KLHL29: variants seen among roughly 807,000 people sequenced by gnomAD.
KLHL29 encodes kelch like family member 29, also known as kelch-like protein 29.
In KLHL29, 21 loss-of-function variants were observed where a neutral mutation model predicts 80.4. That is an observed-to-expected ratio of 0.26 (90% CI 0.19 to 0.38). The LOEUF (loss-of-function observed/expected upper bound fraction) is 0.38, where lower values mean the gene tolerates loss of function less well. KLHL29 is among the 10% of genes least tolerant of loss of function. KLHL29 has a pLI of 1.00. For missense variants in KLHL29, 867 were observed against 1,223.9 expected (o/e 0.71, Z 4.35); for synonymous variants, 511 against 526.8 (o/e 0.97, Z 0.41).
intron 1 of KLHL29, among the ~76,000 whole-genome samples, chr2:23,438,533 T>C (rs977298869): frequency 6.7e-6 from 1 of 149,222 alleles, no homozygotes. Flanking sequence ...GTTGTTGAAT[T>C]TTGTCAAAGG....
At chr2:23,443,904 T>C (rs1663602660) in intron 1 of KLHL29, among the ~76,000 whole-genome samples, 2 of 152,236 alleles carry the variant, frequency 1.3e-5, no homozygotes, top group Admixed American at 6.5e-5. Context: ...CAAGAACTTG[T>C]CACCTAATGG....
intron 1 of KLHL29, among the ~76,000 whole-genome samples, chr2:23,465,459 G>A (rs978164379): frequency 1.3e-5 from 2 of 152,206 alleles, no homozygotes; most frequent in African/African-American, 4.8e-5. Context: ...TCAGCAAGAG[G>A]CAGGAGGCAA....
chr2:23,659,614 C>T (rs899974839), intron 5 of KLHL29, among the ~76,000 whole-genome samples: 7 of 152,170 alleles, frequency 4.6e-5, no homozygotes, highest in Admixed American at 2.6e-4. Flanking sequence ...GCTTCCCCCA[C>T]CATTGAACCT....
chr2:23,608,437 G>C (rs1668781030), intron 3 of KLHL29, among the ~76,000 whole-genome samples: 1 of 74,678 alleles, frequency 1.3e-5, no homozygotes, highest in Non-Finnish European at 2.4e-5. Flanking sequence ...TTGGAGGTAG[G>C]GCCCAGTCTT....
intron 1 of KLHL29, among the ~76,000 whole-genome samples, chr2:23,461,925 A>G (rs555438466): frequency 6.7e-6 from 1 of 150,360 alleles, no homozygotes; most frequent in South Asian, 2.1e-4. Context: ...GGAGAGGGAA[A>G]CTGAGGTTCC....
At chr2:23,539,187 G>A (rs1368445667) in intron 2 of KLHL29, among the ~76,000 whole-genome samples, 1 of 132,882 alleles carries the variant, frequency 7.5e-6, no homozygotes, top group African/African-American at 3.0e-5. Flanking sequence ...GAGTCCTGGG[G>A]ATCGTACTGG....
intron 1 of KLHL29, among the ~76,000 whole-genome samples, chr2:23,475,289 G>A (rs1351832157): frequency 1.4e-5 from 2 of 146,070 alleles, no homozygotes; most frequent in African/African-American, 5.1e-5. Context: ...GGCGGGGGAT[G>A]CCTCATATCT....
intron 5 of KLHL29, among the ~76,000 whole-genome samples, chr2:23,678,356 G>A (rs768581477): frequency 3.3e-5 from 5 of 152,114 alleles, no homozygotes. Context: ...TCCATAACTC[G>A]GGGGTGAGAA....
At chr2:23,614,395 A>G (rs1444770037) in intron 3 of KLHL29, among the ~76,000 whole-genome samples, 1 of 152,250 alleles carries the variant, frequency 6.6e-6, no homozygotes, top group African/African-American at 2.4e-5. Flanking sequence ...AGAACATAGA[A>G]CATAGCCTCA....
At chr2:23,520,992 AC>A (rs33915683) in intron 2 of KLHL29, among the ~76,000 whole-genome samples, 12,777 of 91,066 alleles carry the variant, frequency 0.14, 728 homozygotes, top group East Asian at 0.26. Flanking sequence ...TACAAAGACC[AC>A]CCCCCCCCCC....
chr2:23,602,956 C>A (rs1016242592), intron 3 of KLHL29, among the ~76,000 whole-genome samples: 1 of 152,168 alleles, frequency 6.6e-6, no homozygotes, highest in Non-Finnish European at 1.5e-5. Context: ...GCTTCATAGA[C>A]CCCTCTGATT....
intron 3 of KLHL29, among the ~76,000 whole-genome samples, chr2:23,573,849 T>C (rs2103504313): frequency 6.6e-6 from 1 of 152,270 alleles, no homozygotes; most frequent in African/African-American, 2.4e-5. Flanking sequence ...GGGTTTCTTG[T>C]TTTGCCCCCA....
Position 23,562,023 on chromosome 2 carries a change from C to T in KLHL29, c.-45-129C>T, listed in dbSNP as rs534814550. ...TAATGATCCATGCTTTGTGGGCTAG[C>T]GTGACTCTGAAATGAGCTAATGTTT... On this transcript the variant is annotated intron_variant, in intron 2 of 13. Coordinates refer to ENST00000486442, the MANE Select transcript of KLHL29 (RefSeq NM_052920.2). This position sits in a 1 kb window ranked among gnomAD's most constrained non-coding sequence, Gnocchi z 4.5. 1.0e-5 allele frequency: 7 copies of T among 668,580 alleles called. No homozygotes were observed. The highest frequency in any genetic ancestry group is 3.6e-5 in the African/African-American group (2 of 55,120). 41.4% of individuals were successfully genotyped at this position (668,580 alleles called of 1,614,324 possible).
At chr2:23,455,395 C>T (rs1664021145) in intron 1 of KLHL29, among the ~76,000 whole-genome samples, 1 of 152,160 alleles carries the variant, frequency 6.6e-6, no homozygotes. Flanking sequence ...GTTGGTTTAT[C>T]ATTACTGTTG....
At chr2:23,394,826 C>T (rs910404362) in intron 1 of KLHL29, among the ~76,000 whole-genome samples, 2 of 152,156 alleles carry the variant, frequency 1.3e-5, no homozygotes, top group Non-Finnish European at 2.9e-5. Context: ...AAATTCAATT[C>T]TGAATTTGCC....
intron 1 of KLHL29, among the ~76,000 whole-genome samples, chr2:23,471,264 A>G (rs1037747546): frequency 6.6e-6 from 1 of 152,158 alleles, no homozygotes; most frequent in African/African-American, 2.4e-5. Context: ...TGCTGTGTCA[A>G]ACTGGAGGCT....
At position 23,503,183 on chromosome 2, in the gene KLHL29, G is replaced by C. The variant is rs1422153227; in HGVS notation, c.-46+27516G>C. Among the ~76,000 whole-genome samples the C allele has an allele frequency of 6.6e-6, 1 of 152,248 alleles. No homozygotes were observed. The highest frequency in any genetic ancestry group is 1.5e-5 in the Non-Finnish European group (1 of 68,048). ...GGCTACGGCAAGGGCAGGCAGATCT[G>C]AGTGGAGGCTGCTGTCCTGTGAAGT... On this transcript the variant is annotated intron_variant, in intron 2 of 13. Transcript: ENST00000486442. This position sits in a 1 kb window ranked among gnomAD's most constrained non-coding sequence, Gnocchi z 4.0.
intron 1 of KLHL29, among the ~76,000 whole-genome samples, chr2:23,393,485 C>A (rs1666373773): frequency 1.3e-5 from 2 of 152,168 alleles, no homozygotes; most frequent in African/African-American, 4.8e-5. Context: ...AGGGGCTTTC[C>A]TTGTGGGTTG....
Position 23,639,183 on chromosome 2 carries a change from G to A in KLHL29, c.330G>A (p.Ala110=), listed in dbSNP as rs369752387. 9 of 1,545,340 alleles carry A rather than the reference G, an allele frequency of 5.8e-6. No individual in the cohort carries two copies. Among genetic ancestry groups the A allele is most frequent in the East Asian group, 2.5e-5 (1 of 40,648 alleles). Residue 110 remains alanine (A), a synonymous_variant, in exon 4 of 14, where the codon GCG becomes GCA. Transcript: ENST00000486442. ...GGGACAGTCAGTCCCAGGGACTGGCGACCAGCATCCGGTGGGGGCAGACGC... is the reference window on the plus strand; with the variant it reads ...GGGACAGTCAGTCCCAGGGACTGGCAACCAGCATCCGGTGGGGGCAGACGC... ...SKGDSQSQGL[A]TSIRWGQTPI...
Sources: gnomAD v4.1 joint callset for allele counts (sites outside exome capture counted in the v4.1 genomes callset) on GRCh38, gnomAD v4.1.1 for gene constraint, Gnocchi (gnomAD v3.1) non-coding constraint, MANE v1.5 for transcripts, NCBI Gene and HGNC (gene_info 2026-07-23, HGNC 2026-07-21) for gene names.